Variants in GRID2 observed in about 807,000 individuals in gnomAD.
GRID2 encodes glutamate ionotropic receptor delta type subunit 2, also known as glutamate receptor ionotropic, delta-2.
GRID2 carries 33 observed loss-of-function variants against 114.8 expected under a neutral mutation model. That is an observed-to-expected ratio of 0.29 (90% CI 0.22 to 0.38). GRID2 has a LOEUF of 0.38. Among genes scored for constraint, GRID2 ranks in the 10% least tolerant of loss-of-function variants. GRID2 has a pLI of 1.00. For missense variants in GRID2, 1,184 were observed against 1,257.7 expected (o/e 0.94, Z 0.89); for synonymous variants, 505 against 449.9 (o/e 1.12, Z -1.55).
chr4:93,023,334 GA>G (rs1040515386), intron 2 of GRID2, among the ~76,000 whole-genome samples: 7 of 151,722 alleles, frequency 4.6e-5, no homozygotes, highest in African/African-American at 1.4e-4. Context: ...AATATTTCAA[GA>G]AAAAAATATC....
chr4:92,387,866 T>A (rs956070070), intron 1 of GRID2, among the ~76,000 whole-genome samples: 6 of 152,026 alleles, frequency 3.9e-5, no homozygotes, highest in African/African-American at 1.4e-4. Context: ...GCCAGCCAAA[T>A]TAGCTAAAGT....
chr4:92,612,206 T>C (rs1313719034), intron 2 of GRID2, among the ~76,000 whole-genome samples: 1 of 151,504 alleles, frequency 6.6e-6, no homozygotes, highest in Non-Finnish European at 1.5e-5. Flanking sequence ...CTGAACTATT[T>C]CTTAGAAAGG....
chr4:92,450,041 T>G (rs1720820009), intron 1 of GRID2, among the ~76,000 whole-genome samples: 1 of 152,030 alleles, frequency 6.6e-6, no homozygotes, highest in African/African-American at 2.4e-5. Context: ...ATGTCAGATA[T>G]GAAAAGTAAT....
intron 14 of GRID2, among the ~76,000 whole-genome samples, chr4:93,695,223 C>A (rs951915946): frequency 6.0e-5 from 9 of 151,080 alleles, no homozygotes; most frequent in Non-Finnish European, 1.0e-4. Flanking sequence ...GCACTGGAGG[C>A]TGGAAAGACT....
At chr4:93,191,878 A>G (rs995197951) in intron 4 of GRID2, among the ~76,000 whole-genome samples, 5 of 152,170 alleles carry the variant, frequency 3.3e-5, no homozygotes, top group African/African-American at 1.2e-4. Flanking sequence ...TATCTCTGCA[A>G]TATGTTCTGG....
rs1434699527 is a variant in GRID2 at position 92,501,907 on chromosome 4, A to G, written c.89-88224A>G. Among the ~76,000 whole-genome samples the G allele has an allele frequency of 2.0e-5, 3 of 152,294 alleles. No homozygotes were observed. The East Asian group carries it at 5.8e-4, about 29-fold the overall frequency. On this transcript the variant is annotated intron_variant, in intron 1 of 15. Transcript: ENST00000282020. ...AGATGACATATGAAACAGTTTGATG[A>G]TTTTGTTTCTGGATATAGGCATAGA...
chr4:93,668,613 A>G (rs1724142741), intron 14 of GRID2, among the ~76,000 whole-genome samples: 1 of 152,062 alleles, frequency 6.6e-6, no homozygotes, highest in Non-Finnish European at 1.5e-5. Context: ...TAGAGATATA[A>G]ACAAGTAATT....
chr4:93,737,112 G>C (rs1463066177), intron 14 of GRID2, among the ~76,000 whole-genome samples: 1 of 152,002 alleles, frequency 6.6e-6, no homozygotes, highest in Non-Finnish European at 1.5e-5. Flanking sequence ...TAGTTTCTTG[G>C]AGTTGCTTGG....
chr4:93,589,706 C>T (rs915676182), intron 13 of GRID2, among the ~76,000 whole-genome samples: 1 of 152,114 alleles, frequency 6.6e-6, no homozygotes, highest in Non-Finnish European at 1.5e-5. Flanking sequence ...ACATCCTCTC[C>T]AGCACCTGTC....
At chr4:93,475,850 C>T (rs1725271947) in intron 11 of GRID2, among the ~76,000 whole-genome samples, 1 of 152,098 alleles carries the variant, frequency 6.6e-6, no homozygotes, top group African/African-American at 2.4e-5. Context: ...TATATAGTGG[C>T]TTAGGCCTCA....
intron 1 of GRID2, among the ~76,000 whole-genome samples, chr4:92,520,204 C>G (rs1431179775): frequency 5.9e-5 from 9 of 151,800 alleles, no homozygotes; most frequent in Admixed American, 5.9e-4. Context: ...CTAAACCCTT[C>G]CCCAGAAGAG....
chr4:93,327,479 G>T (rs1231450001), intron 8 of GRID2, among the ~76,000 whole-genome samples: 1 of 151,914 alleles, frequency 6.6e-6, no homozygotes. Context: ...ATCTTAAGTA[G>T]AATCATTTCT....
At chr4:93,692,228 G>C (rs988811484) in intron 14 of GRID2, among the ~76,000 whole-genome samples, 1 of 152,036 alleles carries the variant, frequency 6.6e-6, no homozygotes, top group African/African-American at 2.4e-5. Context: ...ATTTAGAATA[G>C]AGTTTAGAAA....
intron 13 of GRID2, among the ~76,000 whole-genome samples, chr4:93,540,403 T>C (rs576129654): frequency 1.3e-5 from 2 of 152,202 alleles, no homozygotes; most frequent in Non-Finnish European, 2.9e-5. Flanking sequence ...TTTTGATATC[T>C]GGTAAAGTTT....
At chr4:93,406,315 C>A (rs889769948) in intron 9 of GRID2, among the ~76,000 whole-genome samples, 4 of 152,172 alleles carry the variant, frequency 2.6e-5, no homozygotes, top group Non-Finnish European at 5.9e-5. Flanking sequence ...TTGCTGCTGG[C>A]AGTTTCCATA....
intron 2 of GRID2, among the ~76,000 whole-genome samples, chr4:93,053,495 C>T (rs1310018458): frequency 2.0e-5 from 3 of 151,924 alleles, no homozygotes; most frequent in Non-Finnish European, 2.9e-5. Flanking sequence ...TACCTTTTCT[C>T]TCCTTCGAAG....
intron 8 of GRID2, among the ~76,000 whole-genome samples, chr4:93,301,447 A>G (rs1754859033): frequency 6.6e-6 from 1 of 152,212 alleles, no homozygotes; most frequent in African/African-American, 2.4e-5. Context: ...AACATGAAGA[A>G]CAACATATTA....
At chr4:92,563,002 C>T (rs1320387851) in intron 1 of GRID2, among the ~76,000 whole-genome samples, 2 of 152,026 alleles carry the variant, frequency 1.3e-5, no homozygotes, top group East Asian at 3.9e-4. Context: ...TTACCCAGGC[C>T]TACTCTTTTT....
chr4:92,951,792 C>T (rs1752060386), intron 2 of GRID2, among the ~76,000 whole-genome samples: 1 of 151,866 alleles, frequency 6.6e-6, no homozygotes, highest in African/African-American at 2.4e-5. Context: ...TCTATCCTTT[C>T]TAAATTGAAA....
Sources: allele counts gnomAD v4.1 joint callset (sites outside exome capture counted in the v4.1 genomes callset), GRCh38; gene constraint gnomAD v4.1.1; transcripts MANE v1.5; gene names NCBI Gene and HGNC (gene_info 2026-07-23, HGNC 2026-07-21).